MTMR7: variants seen among roughly 807,000 people sequenced by gnomAD.
MTMR7 encodes the protein phosphatidylinositol-3-phosphate phosphatase MTMR7.
A neutral mutation model predicts 81.2 loss-of-function variants in MTMR7; 76 were observed. That is an observed-to-expected ratio of 0.94 (90% confidence interval 0.78 to 1.13). MTMR7 has a LOEUF of 1.13. Among genes scored for constraint, MTMR7 ranks in the 50% most tolerant of loss-of-function variants. MTMR7 has a pLI of 0.00. For synonymous variants in MTMR7, 372 were observed against 289.8 expected (o/e 1.28, Z -2.88); for missense variants, 1,044 against 820.0 (o/e 1.27, Z -3.34).
At chr8:17,322,914 C>T (rs915785532) in intron 7 of MTMR7, among the ~76,000 whole-genome samples, 6 of 151,482 alleles carry the variant, frequency 4.0e-5, no homozygotes, top group East Asian at 3.9e-4. Context: ...TCTTAATGAA[C>T]CTTCACAACC....
intron 7 of MTMR7, among the ~76,000 whole-genome samples, chr8:17,320,728 G>C (rs756607): frequency 6.6e-6 from 1 of 151,920 alleles, no homozygotes; most frequent in Non-Finnish European, 1.5e-5. Context: ...ACAGTGCCCA[G>C]CAATACCAGA....
At chr8:17,362,322 T>G (rs1391455505) in intron 3 of MTMR7, among the ~76,000 whole-genome samples, 2 of 152,240 alleles carry the variant, frequency 1.3e-5, no homozygotes, top group African/African-American at 2.4e-5. Flanking sequence ...CAGTTTGCAG[T>G]AGCGCTGAAC....
At chr8:17,380,989 C>T (rs1820740785) in intron 1 of MTMR7, among the ~76,000 whole-genome samples, 1 of 152,074 alleles carries the variant, frequency 6.6e-6, no homozygotes, top group African/African-American at 2.4e-5. Flanking sequence ...CGGGTATTCT[C>T]AGAACTAATG....
Position 17,317,258 on chromosome 8 carries a change from G to A in MTMR7, c.866-3857C>T, listed in dbSNP as rs150661185. Among the ~76,000 whole-genome samples the A allele has an allele frequency of 6.0e-3, 916 of 152,284 alleles. 5 individuals are homozygous for A. Among genetic ancestry groups the A allele is most frequent in the Admixed American group, 0.016 (243 of 15,292 alleles). On this transcript the variant is annotated intron_variant, in intron 7 of 13. Coordinates refer to ENST00000180173, the MANE Select transcript of MTMR7 (RefSeq NM_004686.5). ...ATGCTGGCTGGCAGTGCCGTGTGCC[G>A]TGTGCATGGGCAGGCTTTCTTAGCT...
chr8:17,383,090 T>G (rs1585110668), intron 1 of MTMR7, among the ~76,000 whole-genome samples: 1 of 149,364 alleles, frequency 6.7e-6, no homozygotes, highest in Admixed American at 6.7e-5. Context: ...ACCTGGGGGG[T>G]GTGGAAGGTC....
At chr8:17,303,167 C>T (rs1817237967) in intron 12 of MTMR7, among the ~76,000 whole-genome samples, 1 of 152,050 alleles carries the variant, frequency 6.6e-6, no homozygotes, top group Middle Eastern at 3.2e-3. Flanking sequence ...ATCTGCAGTG[C>T]CCAGAACAGT....
chr8:17,326,137 C>G (rs926038653), intron 7 of MTMR7, among the ~76,000 whole-genome samples: 2 of 152,210 alleles, frequency 1.3e-5, no homozygotes, highest in Admixed American at 6.5e-5. Context: ...AGGGCACCTT[C>G]CATTCCAACC....
Position 17,300,175 on chromosome 8 carries a change from C to A in MTMR7, c.1670G>T (p.Ser557Ile). The A allele has an allele frequency of 6.2e-7, 1 of 1,614,084 alleles. No homozygotes were observed. Residue 557 changes from serine to isoleucine, a missense_variant, in exon 14 of 14, where the codon AGT (serine) becomes ATT (isoleucine). Transcript: ENST00000180173. ...GTGCTTGCTGGGCTCACTTTGCTTACTCTTCACCTTAGTGCAATTTAACTG... is the reference window on the plus strand; with the variant it reads ...GTGCTTGCTGGGCTCACTTTGCTTAATCTTCACCTTAGTGCAATTTAACTG... Reference protein sequence around the residue: ...KVQLNCTKVKSKQSEPSKHSG... With the variant: ...KVQLNCTKVKIKQSEPSKHSG...
At chr8:17,409,956 C>T (rs73553308) in intron 1 of MTMR7, among the ~76,000 whole-genome samples, 3,277 of 152,152 alleles carry the variant, frequency 0.022, 115 homozygotes, top group African/African-American at 0.074. Context: ...TGTCACAAAA[C>T]GAGGCTGGAG....
At chr8:17,402,733 G>A (rs1171204913) in intron 1 of MTMR7, among the ~76,000 whole-genome samples, 1 of 152,104 alleles carries the variant, frequency 6.6e-6, no homozygotes, top group South Asian at 2.1e-4. Context: ...GGGAGCACAG[G>A]TATCTCTTGG....
chr8:17,341,883 T>A (rs962772593), intron 5 of MTMR7, among the ~76,000 whole-genome samples: 7 of 152,064 alleles, frequency 4.6e-5, no homozygotes, highest in African/African-American at 1.7e-4. Flanking sequence ...ATGGTGACAT[T>A]AATAAAATAG....
chr8:17,338,290 A>G (rs575835971), intron 6 of MTMR7, among the ~76,000 whole-genome samples: 1 of 152,298 alleles, frequency 6.6e-6, no homozygotes, highest in Admixed American at 6.5e-5. Context: ...GGATTAACTT[A>G]TTTTAAATCT....
rs889297640 is a variant in MTMR7, at chr8:17,374,582, C to T, written c.25-1342G>A. On this transcript the variant is annotated intron_variant, in intron 1 of 13. Coordinates refer to ENST00000180173, the MANE Select transcript of MTMR7 (RefSeq NM_004686.5). Reference sequence around the variant, plus strand: ...GTTGCAGTGCGCTGAGATTGCGCCACCGTACCGTAGCCTGGCGACAGAGTG... The same window carrying T: ...GTTGCAGTGCGCTGAGATTGCGCCATCGTACCGTAGCCTGGCGACAGAGTG... Among the ~76,000 whole-genome samples the T allele has an allele frequency of 2.0e-5, 3 of 151,924 alleles. No individual in the cohort carries two copies. The East Asian group carries it at 5.8e-4, about 29-fold the overall frequency.
intron 7 of MTMR7, among the ~76,000 whole-genome samples, chr8:17,327,984 T>G (rs1563336147): frequency 2.0e-5 from 3 of 152,204 alleles, no homozygotes; most frequent in Non-Finnish European, 1.5e-5. Context: ...TTATGAAGTG[T>G]GGCAAAGAGC....
rs1459296509 is a variant in MTMR7, at chr8:17,349,043, T to C, written c.507A>G (p.Lys169=). ...DSYPTELYVP[K]SATAHIIVGS... is the part of the protein sequence containing the mutation. ...CCACTATGATGTGTGCCGTGGCCGA[T>C]TTGGGAACGTACAGTTCAGTAGGAT... Residue 169 remains lysine, a synonymous_variant, in exon 5 of 14, where the codon AAA becomes AAG. Coordinates refer to ENST00000180173, the MANE Select transcript of MTMR7 (RefSeq NM_004686.5). 1 of 1,612,660 alleles carries C rather than the reference T, an allele frequency of 6.2e-7. No homozygotes were observed. The highest frequency in any genetic ancestry group is 8.5e-7 in the Non-Finnish European group (1 of 1,179,806).
chr8:17,371,783 C>T (rs1820427757), intron 2 of MTMR7, among the ~76,000 whole-genome samples: 1 of 149,270 alleles, frequency 6.7e-6, no homozygotes, highest in African/African-American at 2.5e-5. Context: ...CAGTGTGATG[C>T]TGTGATATAT....
chr8:17,382,384 T>C (rs1224709715), intron 1 of MTMR7, among the ~76,000 whole-genome samples: 2 of 152,192 alleles, frequency 1.3e-5, no homozygotes, highest in Non-Finnish European at 2.9e-5. Flanking sequence ...TTTGCTTCTC[T>C]TGGGGAGTTA....
chr8:17,390,242 T>C (rs950334586), intron 1 of MTMR7, among the ~76,000 whole-genome samples: 1 of 151,938 alleles, frequency 6.6e-6, no homozygotes, highest in African/African-American at 2.4e-5. Context: ...CTCAGGAAGC[T>C]TCCAATCATG....
intron 4 of MTMR7, among the ~76,000 whole-genome samples, chr8:17,355,803 A>AGTCAACAT (rs1430753966): frequency 6.6e-6 from 1 of 152,226 alleles, no homozygotes; most frequent in Non-Finnish European, 1.5e-5. Context: ...TTCACAGAAG[A>AGTCAACAT]GTCAACATGA....
Sources: gnomAD v4.1 joint callset for allele counts (sites outside exome capture counted in the v4.1 genomes callset) on GRCh38, gnomAD v4.1.1 for gene constraint, MANE v1.5 for transcripts, NCBI Gene and HGNC (gene_info 2026-07-23, HGNC 2026-07-21) for gene names.